Variants in SGMS1 observed in about 807,000 individuals in gnomAD.
SGMS1 encodes sphingomyelin synthase 1.
A neutral mutation model predicts 46.2 loss-of-function variants in SGMS1; 13 were observed. The observed-to-expected ratio is 0.28, with a 90% confidence interval of 0.18 to 0.45. The LOEUF is 0.45. SGMS1 is among the 20% of genes least tolerant of loss of function. The pLI, the probability that SGMS1 is intolerant of heterozygous loss-of-function variation, is 1.00. For synonymous variants in SGMS1, 203 were observed against 187.8 expected (o/e 1.08, Z -0.66); for missense variants, 324 against 519.9 (o/e 0.62, Z 3.66).
intron 6 of SGMS1, among the ~76,000 whole-genome samples, chr10:50,396,977 C>T (rs985275428): frequency 1.1e-4 from 17 of 151,976 alleles, no homozygotes; most frequent in African/African-American, 3.4e-4. Context: ...AGCTCAAGTA[C>T]GGGACACTCA....
chr10:50,549,349 T>C (rs1838129219), intron 2 of SGMS1, among the ~76,000 whole-genome samples: 1 of 152,192 alleles, frequency 6.6e-6, no homozygotes. Flanking sequence ...CACCATGGAA[T>C]ACTACGAAGC....
intron 5 of SGMS1, among the ~76,000 whole-genome samples, chr10:50,449,435 C>A (rs1837071582): frequency 6.6e-6 from 1 of 152,078 alleles, no homozygotes; most frequent in Non-Finnish European, 1.5e-5. Flanking sequence ...TGCTTATGAA[C>A]TATGTAGTCT....
intron 1 of SGMS1, among the ~76,000 whole-genome samples, chr10:50,601,803 C>T (rs1330543145): frequency 6.6e-6 from 1 of 152,172 alleles, no homozygotes; most frequent in Non-Finnish European, 1.5e-5. Flanking sequence ...TTTGCATATA[C>T]CTAATGAGAT....
chr10:50,613,622 C>T (rs1485721948), intron 1 of SGMS1, among the ~76,000 whole-genome samples: 5 of 152,330 alleles, frequency 3.3e-5, no homozygotes, highest in African/African-American at 9.6e-5. Context: ...GACAGGGTCA[C>T]AGGAGAGTCC....
intron 2 of SGMS1, among the ~76,000 whole-genome samples, chr10:50,580,476 G>A (rs1356250992): frequency 2.0e-5 from 3 of 150,748 alleles, no homozygotes; most frequent in Non-Finnish European, 3.0e-5. Flanking sequence ...GAATCACCTC[G>A]GGGAAATTAA....
intron 1 of SGMS1, among the ~76,000 whole-genome samples, chr10:50,592,743 C>A (rs970519236): frequency 4.3e-4 from 66 of 152,278 alleles, no homozygotes; most frequent in African/African-American, 1.5e-3. Flanking sequence ...TTTCTTTAAA[C>A]CCATACTAAT....
chr10:50,369,627 T>C (rs547992671), intron 6 of SGMS1, among the ~76,000 whole-genome samples: 27 of 146,636 alleles, frequency 1.8e-4, no homozygotes, highest in East Asian at 8.0e-4. Flanking sequence ...TACAAAAAAA[T>C]GAAAGACATA....
At chr10:50,481,137 C>T (rs925827310) in intron 3 of SGMS1, among the ~76,000 whole-genome samples, 3 of 152,230 alleles carry the variant, frequency 2.0e-5, no homozygotes, top group African/African-American at 7.2e-5. Context: ...GCAGTCTGGA[C>T]CAAGGGGATT....
intron 3 of SGMS1, among the ~76,000 whole-genome samples, chr10:50,497,572 C>T (rs1180351503): frequency 6.6e-6 from 1 of 152,132 alleles, no homozygotes; most frequent in Non-Finnish European, 1.5e-5. Context: ...GCAGATGGAT[C>T]GCCTGAGTTC....
intron 1 of SGMS1, among the ~76,000 whole-genome samples, chr10:50,616,819 A>G (rs1838802111): frequency 6.6e-6 from 1 of 152,256 alleles, no homozygotes; most frequent in Non-Finnish European, 1.5e-5. Flanking sequence ...GTCATTTTTA[A>G]AAAGATGAAA....
At chr10:50,555,038 G>A (rs1838179040) in intron 2 of SGMS1, among the ~76,000 whole-genome samples, 1 of 152,166 alleles carries the variant, frequency 6.6e-6, no homozygotes, top group South Asian at 2.1e-4. Context: ...TAGGAAAGAA[G>A]CCAGAGCCTC....
At chr10:50,360,773 A>T (rs1848233918) in intron 6 of SGMS1, among the ~76,000 whole-genome samples, 1 of 152,144 alleles carries the variant, frequency 6.6e-6, no homozygotes, top group Non-Finnish European at 1.5e-5. Context: ...TCTATCACAC[A>T]ACACTCACTT....
intron 2 of SGMS1, among the ~76,000 whole-genome samples, chr10:50,530,715 C>A (rs899991871): frequency 6.6e-6 from 1 of 152,012 alleles, no homozygotes; most frequent in Non-Finnish European, 1.5e-5. Context: ...AAACTCCTGG[C>A]CTCAAGCAAT....
At chr10:50,599,060 G>A (rs1767577764) in intron 1 of SGMS1, among the ~76,000 whole-genome samples, 1 of 152,168 alleles carries the variant, frequency 6.6e-6, no homozygotes. Flanking sequence ...ACTGTATAAT[G>A]GAAGCCAAGA....
At chr10:50,532,596 T>C (rs778470917) in intron 2 of SGMS1, among the ~76,000 whole-genome samples, 4 of 152,196 alleles carry the variant, frequency 2.6e-5, no homozygotes, top group Non-Finnish European at 4.4e-5. Context: ...AGAATGACAG[T>C]TTCCAAGAAC....
At chr10:50,396,092 A>G (rs764626354) in intron 6 of SGMS1, among the ~76,000 whole-genome samples, 54 of 152,184 alleles carry the variant, frequency 3.5e-4, no homozygotes, top group Non-Finnish European at 2.9e-5. Flanking sequence ...CTCCCTTTCC[A>G]TGATGAAAAA....
chr10:50,403,139 C>A (rs1420022831), intron 6 of SGMS1, among the ~76,000 whole-genome samples: 1 of 152,164 alleles, frequency 6.6e-6, no homozygotes, highest in East Asian at 1.9e-4. Context: ...GATCTATTAT[C>A]TTAAAATCCG....
intron 2 of SGMS1, 143 bp from the exon 3 acceptor site, chr10:50,520,064 ACT>A (rs57076293): frequency 2.0e-5 from 3 of 152,140 alleles, no homozygotes; most frequent in African/African-American, 7.2e-5. Context: ...GATTAAGGAA[ACT>A]CTACCTCAGT....
chr10:50,456,055 C>G (rs1837186983), intron 5 of SGMS1, among the ~76,000 whole-genome samples: 1 of 152,138 alleles, frequency 6.6e-6, no homozygotes, highest in Admixed American at 6.5e-5. Context: ...GACTGTGTCA[C>G]TGCAGGAGAA....
Sources: allele counts gnomAD v4.1 joint callset (sites outside exome capture counted in the v4.1 genomes callset), GRCh38; gene constraint gnomAD v4.1.1; transcripts MANE v1.5; gene names NCBI Gene and HGNC (gene_info 2026-07-23, HGNC 2026-07-21).